UGGT2: variants seen among roughly 807,000 people sequenced by gnomAD.
The protein encoded by UGGT2 is UDP-glucose:glycoprotein glucosyltransferase 2.
In UGGT2, 180 loss-of-function variants were observed where a neutral mutation model predicts 192.1. The observed-to-expected ratio is 0.94, with a 90% CI of 0.83 to 1.06. The LOEUF is 1.06. UGGT2 is among the 50% of genes least tolerant of loss of function. The probability of loss-of-function intolerance (pLI) is 0.00; values close to 1 mark genes in which losing one functional copy is unlikely to be tolerated. For synonymous variants in UGGT2, 580 were observed against 591.0 expected (o/e 0.98, Z 0.27); for missense variants, 1,849 against 1,795.7 (o/e 1.03, Z -0.54).
chr13:95,875,151 A>T (rs1891564953), intron 29 of UGGT2, among the ~76,000 whole-genome samples: 1 of 152,224 alleles, frequency 6.6e-6, no homozygotes, highest in Non-Finnish European at 1.5e-5. Flanking sequence ...TTTAATAGAT[A>T]TGTGGCATAT....
chr13:95,899,414 T>G (rs1385399627), intron 22 of UGGT2, among the ~76,000 whole-genome samples: 2 of 152,180 alleles, frequency 1.3e-5, no homozygotes, highest in Non-Finnish European at 2.9e-5. Flanking sequence ...TCTAGAAGAA[T>G]GTTTGGTTCA....
At chr13:95,897,863 C>A (rs993935799) in intron 22 of UGGT2, among the ~76,000 whole-genome samples, 1 of 152,174 alleles carries the variant, frequency 6.6e-6, no homozygotes, top group Non-Finnish European at 1.5e-5. Context: ...AATCCTTCCT[C>A]TGTACTACAC....
chr13:95,967,474 TTG>T (rs1490872767), intron 12 of UGGT2, among the ~76,000 whole-genome samples: 11 of 64,866 alleles, frequency 1.7e-4, no homozygotes, highest in East Asian at 5.3e-4. Context: ...CCCAACTTTT[TTG>T]TTTTTTTTTT....
At chr13:95,926,423 C>T (rs1396969769) in intron 19 of UGGT2, among the ~76,000 whole-genome samples, 1 of 152,142 alleles carries the variant, frequency 6.6e-6, no homozygotes, top group African/African-American at 2.4e-5. Flanking sequence ...CCAAAATCAG[C>T]CTTCTTTAAT....
intron 10 of UGGT2, among the ~76,000 whole-genome samples, chr13:95,976,990 T>A (rs909438433): frequency 1.3e-5 from 2 of 152,146 alleles, no homozygotes; most frequent in Middle Eastern, 3.2e-3. Context: ...GAAAACTGGC[T>A]AGCCATATGC....
At chr13:95,916,951 G>A (rs1263721161) in intron 20 of UGGT2, among the ~76,000 whole-genome samples, 1 of 151,896 alleles carries the variant, frequency 6.6e-6, no homozygotes. Context: ...AGGGAGAACA[G>A]AACCAAGTTG....
In UGGT2 at chr13:95,970,225, T is replaced by G; in HGVS notation, c.1222A>C (p.Asn408His). 6.2e-7 allele frequency: 1 copy of G among 1,613,030 alleles called. No homozygotes were observed. The highest frequency in any genetic ancestry group is 2.2e-5 in the East Asian group (1 of 44,790). The change falls in exon 12 of 39, where the codon AAT becomes CAT. Residue 408 changes from asparagine (N) to histidine (H), a missense_variant. Coordinates refer to ENST00000376747, the MANE Select transcript of UGGT2 (RefSeq NM_020121.4). ...DMLKLEGKMM[N>H]GLRNLGINGE... ...TTGATCCCAAGATTGCGAAGGCCATTCATCATTTTTCCTTCTAATTTCAGC... is the reference window on the plus strand; with the variant it reads ...TTGATCCCAAGATTGCGAAGGCCATGCATCATTTTTCCTTCTAATTTCAGC...
At chr13:96,012,816 G>A (rs1303678158) in intron 5 of UGGT2, among the ~76,000 whole-genome samples, 1 of 151,904 alleles carries the variant, frequency 6.6e-6, no homozygotes, top group Non-Finnish European at 1.5e-5. Context: ...ACAGTAATAA[G>A]TGCTATGAAA....
intron 5 of UGGT2, among the ~76,000 whole-genome samples, chr13:96,008,989 C>T (rs532070955): frequency 8.5e-5 from 13 of 152,276 alleles, no homozygotes; most frequent in African/African-American, 2.9e-4. Flanking sequence ...GGCATAAAAA[C>T]AGACATACAG....
chr13:95,919,721 A>G (rs984439019), intron 20 of UGGT2, among the ~76,000 whole-genome samples: 2 of 152,234 alleles, frequency 1.3e-5, no homozygotes, highest in Non-Finnish European at 2.9e-5. Flanking sequence ...AAACAAATGG[A>G]AAAACATTCC....
At chr13:95,875,878 C>T (rs951488477) in intron 29 of UGGT2, among the ~76,000 whole-genome samples, 4 of 151,984 alleles carry the variant, frequency 2.6e-5, no homozygotes, top group Non-Finnish European at 4.4e-5. Flanking sequence ...TTGAGCACAA[C>T]GTGTGGTATA....
chr13:95,829,273 C>T (rs1384946841), intron 38 of UGGT2, among the ~76,000 whole-genome samples: 1 of 152,160 alleles, frequency 6.6e-6, no homozygotes, highest in Non-Finnish European at 1.5e-5. Context: ...ACAGGGATGC[C>T]CTCTCTCGCC....
intron 38 of UGGT2, among the ~76,000 whole-genome samples, chr13:95,802,261 A>G (rs181602452): frequency 3.9e-5 from 6 of 152,364 alleles, no homozygotes; most frequent in African/African-American, 7.2e-5. Context: ...TGACATAGAC[A>G]TAAGTACTAC....
At chr13:95,847,234 C>A (rs910504956) in intron 36 of UGGT2, among the ~76,000 whole-genome samples, 12 of 152,140 alleles carry the variant, frequency 7.9e-5, no homozygotes, top group Non-Finnish European at 1.0e-4. Context: ...ACATGCATTA[C>A]CTACTCCCCT....
chr13:95,975,025 G>C (rs1157602294), intron 10 of UGGT2, among the ~76,000 whole-genome samples: 1 of 152,160 alleles, frequency 6.6e-6, no homozygotes, highest in Non-Finnish European at 1.5e-5. Context: ...AGGTTGCAGT[G>C]AGCTGAGATC....
At chr13:95,806,509 A>G (rs1884313028) in intron 38 of UGGT2, among the ~76,000 whole-genome samples, 1 of 152,202 alleles carries the variant, frequency 6.6e-6, no homozygotes, top group Admixed American at 6.5e-5. Flanking sequence ...TATCTGATGC[A>G]ATCCCTATCA....
intron 10 of UGGT2, among the ~76,000 whole-genome samples, chr13:95,982,625 T>C (rs1288315849): frequency 6.6e-6 from 1 of 152,098 alleles, no homozygotes; most frequent in Non-Finnish European, 1.5e-5. Flanking sequence ...CGAATTCCCA[T>C]TCAGGTGCCC....
At chr13:95,868,982 C>T (rs1383486128) in intron 29 of UGGT2, among the ~76,000 whole-genome samples, 1 of 151,354 alleles carries the variant, frequency 6.6e-6, no homozygotes, top group African/African-American at 2.4e-5. Context: ...TGTGCTGCAC[C>T]CATTAACTCT....
intron 5 of UGGT2, among the ~76,000 whole-genome samples, chr13:96,006,916 A>T (rs142144727): frequency 1.3e-3 from 200 of 152,290 alleles, no homozygotes; most frequent in South Asian, 5.8e-3. Flanking sequence ...TAACTTGAAG[A>T]GGAGAGAACA....
Sources: gnomAD v4.1 joint callset for allele counts (sites outside exome capture counted in the v4.1 genomes callset) on GRCh38, gnomAD v4.1.1 for gene constraint, MANE v1.5 for transcripts, NCBI Gene and HGNC (gene_info 2026-07-23, HGNC 2026-07-21) for gene names.